The following DLEU7 variants were observed in gnomAD, a reference collection of about 807,000 sequenced individuals.
The protein encoded by DLEU7 is deleted in lymphocytic leukemia 7, also known as leukemia-associated protein 7.
A neutral mutation model predicts 16.0 loss-of-function variants in DLEU7; 17 were observed. That is an observed-to-expected ratio of 1.06 (90% CI 0.73 to 1.59). DLEU7 has a LOEUF of 1.59. Ranked by LOEUF, DLEU7 falls within the 40% of genes most tolerant of loss-of-function variation. The pLI is 0.00. For synonymous variants in DLEU7, 113 were observed against 139.8 expected, an observed-to-expected ratio of 0.81 and a Z score of 1.35; for missense variants, 308 against 314.9, an observed-to-expected ratio of 0.98 and a Z score of 0.17.
At chr13:50,766,510 C>A (rs1875115146) in intron 1 of DLEU7, among the ~76,000 whole-genome samples, 1 of 152,102 alleles carries the variant, frequency 6.6e-6, no homozygotes, top group Non-Finnish European at 1.5e-5. Flanking sequence ...CCTTCCTCTT[C>A]TTTCTCCTTC....
chr13:50,729,381 C>G (rs888690868), intron 1 of DLEU7, among the ~76,000 whole-genome samples: 1 of 152,176 alleles, frequency 6.6e-6, no homozygotes, highest in Non-Finnish European at 1.5e-5. Context: ...TTCATGGCTG[C>G]ATAGTATTCC....
At chr13:50,771,436 T>G (rs980021575) in intron 1 of DLEU7, among the ~76,000 whole-genome samples, 12 of 152,218 alleles carry the variant, frequency 7.9e-5, no homozygotes, top group Non-Finnish European at 1.3e-4. Context: ...GTGCTTTAAA[T>G]CTGTCCCAGA....
chr13:50,798,740 C>T (rs751585316), intron 1 of DLEU7, among the ~76,000 whole-genome samples: 3 of 152,186 alleles, frequency 2.0e-5, no homozygotes, highest in East Asian at 3.8e-4. Flanking sequence ...AGGACAATTC[C>T]GCTGGTCACT....
chr13:50,820,625 G>A (rs969057947), downstream of DLEU7, among the ~76,000 whole-genome samples: 1 of 152,124 alleles, frequency 6.6e-6, no homozygotes, highest in East Asian at 1.9e-4. Context: ...CATCAGCTGA[G>A]AATGAGAAGA....
chr13:50,770,936 A>C (rs1875288014), intron 1 of DLEU7, among the ~76,000 whole-genome samples: 1 of 152,108 alleles, frequency 6.6e-6, no homozygotes, highest in Admixed American at 6.5e-5. Context: ...TTATTGCCTC[A>C]ATTTCCGAGC....
At chr13:50,820,636 G>A (rs1173983089), downstream of DLEU7, among the ~76,000 whole-genome samples, 1 of 152,154 alleles carries the variant, frequency 6.6e-6, no homozygotes, top group South Asian at 2.1e-4. Flanking sequence ...AATGAGAAGA[G>A]TAAACAAGGG....
chr13:50,812,199 G>A lies in DLEU7; in HGVS notation c.459+30989C>T, dbSNP rs76850972. On this transcript the variant is annotated intron_variant, in intron 1 of 1. Transcript: ENST00000400393. The stretch of plus-strand genomic sequence containing the variant: ...CAGAACCTATTTTCAATAGAAATGC[G>A]ATTTGAAAATCAATATAAATGCATA... 7.9e-5 allele frequency among the ~76,000 whole-genome samples: 12 copies of A among 151,778 alleles called. No individual in the cohort carries two copies. In the East Asian group the frequency reaches 1.7e-3, roughly 22 times the overall value.
At chr13:50,788,029 G>C (rs116325639) in intron 1 of DLEU7, among the ~76,000 whole-genome samples, 17 of 152,188 alleles carry the variant, frequency 1.1e-4, no homozygotes, top group African/African-American at 3.6e-4. Context: ...GGCACAGCAG[G>C]CGTTTCCCCA....
intron 1 of DLEU7, among the ~76,000 whole-genome samples, chr13:50,737,660 CGTG>C (rs1274973452): frequency 2.0e-5 from 3 of 152,086 alleles, no homozygotes; most frequent in Non-Finnish European, 4.4e-5. Context: ...CAATGTTGTG[CGTG>C]TTCCGACTGC....
chr13:50,819,753 A>G (rs1876841256), downstream of DLEU7, among the ~76,000 whole-genome samples: 4 of 152,322 alleles, frequency 2.6e-5, no homozygotes, highest in South Asian at 2.1e-4. Context: ...TTGGGAATCC[A>G]TAATTCCATT....
chr13:50,813,956 T>G (rs1481792350), intron 1 of DLEU7, among the ~76,000 whole-genome samples: 2 of 152,114 alleles, frequency 1.3e-5, no homozygotes. Context: ...CTCATGCCAT[T>G]TGTGATATGG....
intron 1 of DLEU7, among the ~76,000 whole-genome samples, chr13:50,840,689 G>T (rs1206659352): frequency 6.6e-6 from 1 of 152,100 alleles, no homozygotes; most frequent in Admixed American, 6.5e-5. Context: ...GCAAAGAGGG[G>T]GCGGTAGAAA....
chr13:50,774,434 T>G (rs1875433150), intron 1 of DLEU7, among the ~76,000 whole-genome samples: 1 of 152,204 alleles, frequency 6.6e-6, no homozygotes, highest in African/African-American at 2.4e-5. Flanking sequence ...AAAGATATTT[T>G]TCCATGTCTT....
chr13:50,737,659 G>T (rs555348834), intron 1 of DLEU7, among the ~76,000 whole-genome samples: 1 of 152,096 alleles, frequency 6.6e-6, no homozygotes, highest in Non-Finnish European at 1.5e-5. Flanking sequence ...TCAATGTTGT[G>T]CGTGTTCCGA....
At chr13:50,755,136 T>C (rs987478601) in intron 1 of DLEU7, among the ~76,000 whole-genome samples, 1 of 152,242 alleles carries the variant, frequency 6.6e-6, no homozygotes, top group South Asian at 2.1e-4. Context: ...TTCCTTCGTC[T>C]TAACTTTAGA....
rs1261855809 is a variant in DLEU7 at position 50,790,960 on chromosome 13, G to C, written c.459+52228C>G. On this transcript the variant is annotated intron_variant, in intron 1 of 1. Transcript: ENST00000400393. ...CCAAAGAAGGCAGAAAAGGTGGCAGGGAAGGGGACACGGCTACCTTCTCTC... is the reference window on the plus strand; with the variant it reads ...CCAAAGAAGGCAGAAAAGGTGGCAGCGAAGGGGACACGGCTACCTTCTCTC... Among the ~76,000 whole-genome samples the C allele has an allele frequency of 2.6e-5, 4 of 152,290 alleles. No homozygotes were observed. In the East Asian group the frequency reaches 7.7e-4, roughly 29 times the overall value.
intron 1 of DLEU7, among the ~76,000 whole-genome samples, chr13:50,764,618 A>G (rs1233752108): frequency 6.6e-6 from 1 of 152,250 alleles, no homozygotes; most frequent in African/African-American, 2.4e-5. Context: ...GTTGTTATTC[A>G]TAAGCATTTG....
chr13:50,815,810 T>C (rs1876716793), intron 1 of DLEU7, among the ~76,000 whole-genome samples: 1 of 152,142 alleles, frequency 6.6e-6, no homozygotes, highest in Admixed American at 6.5e-5. Context: ...CTCATGACTA[T>C]GCAGTAATTC....
At chr13:50,801,227 G>A (rs145082197) in intron 1 of DLEU7, among the ~76,000 whole-genome samples, 3 of 152,136 alleles carry the variant, frequency 2.0e-5, no homozygotes, top group African/African-American at 7.2e-5. Flanking sequence ...AATTTGGGAG[G>A]GGAGTCGGTT....
Sources: gnomAD v4.1 joint callset for allele counts (sites outside exome capture counted in the v4.1 genomes callset) on GRCh38, gnomAD v4.1.1 for gene constraint, MANE v1.5 for transcripts, NCBI Gene and HGNC (gene_info 2026-07-23, HGNC 2026-07-21) for gene names.